Variants in NTNG1 observed in about 807,000 individuals in gnomAD.
NTNG1 encodes the protein netrin G1.
In NTNG1, 16 loss-of-function variants were observed where a neutral mutation model predicts 54.0. The ratio of observed to expected loss-of-function variants is 0.30; its 90% CI spans 0.20 to 0.45. The LOEUF (loss-of-function observed/expected upper bound fraction) is 0.45. Among genes scored for constraint, NTNG1 ranks in the 20% least tolerant of loss-of-function variants. The pLI is 1.00. For synonymous variants in NTNG1, 255 were observed against 263.1 expected (o/e 0.97, Z 0.30); for missense variants, 530 against 678.7 (o/e 0.78, Z 2.43).
chr1:107,281,890 A>G (rs1475278426), intron 2 of NTNG1, among the ~76,000 whole-genome samples: 2 of 152,136 alleles, frequency 1.3e-5, no homozygotes, highest in East Asian at 3.9e-4. Context: ...CATTTTGTCA[A>G]AAAAAGATAC....
chr1:107,185,958 G>A (rs1438380356), intron 2 of NTNG1, among the ~76,000 whole-genome samples: 1 of 152,046 alleles, frequency 6.6e-6, no homozygotes, highest in Non-Finnish European at 1.5e-5. Flanking sequence ...TGGGCTTTTA[G>A]TGCAACCAGC....
chr1:107,185,342 A>G (rs4437905), intron 2 of NTNG1, among the ~76,000 whole-genome samples: 110,034 of 151,590 alleles, frequency 0.73, 41,084 homozygotes, highest in Middle Eastern at 0.84. Flanking sequence ...ACAGATTCCT[A>G]TAGCTTGTGG....
intron 3 of NTNG1, among the ~76,000 whole-genome samples, chr1:107,335,456 G>A (rs558385884): frequency 1.3e-5 from 2 of 152,028 alleles, no homozygotes; most frequent in Middle Eastern, 3.4e-3. Flanking sequence ...CTATATACAT[G>A]TATCTGCTGA....
intron 3 of NTNG1, among the ~76,000 whole-genome samples, chr1:107,328,060 T>C (rs982927202): frequency 6.6e-6 from 1 of 152,136 alleles, no homozygotes; most frequent in African/African-American, 2.4e-5. Flanking sequence ...TTTATTCTTC[T>C]TTTGCCACAT....
chr1:107,484,737 C>A lies in NTNG1; in HGVS notation c.*3897C>A, dbSNP rs150165168. ...AACAACTGTGAGGAAATCTTGACAT[C>A]GAATATTTTGTTCCATCTCCTTCAC... is the stretch of plus-strand genomic sequence containing the variant. On this transcript the variant is annotated 3_prime_UTR_variant, in exon 8 of 8. Transcript: ENST00000370068. 2.3e-3 allele frequency among the ~76,000 whole-genome samples: 351 copies of A among 152,234 alleles called. 3 individuals carry two copies. Among genetic ancestry groups the A allele is most frequent in the Admixed American group, 5.4e-3 (83 of 15,296 alleles).
At chr1:107,430,186 A>G (rs1170016588) in intron 5 of NTNG1, among the ~76,000 whole-genome samples, 6 of 152,172 alleles carry the variant, frequency 3.9e-5, no homozygotes, top group Non-Finnish European at 8.8e-5. Context: ...AGCATTGGGG[A>G]AAAACAAAAA....
At chr1:107,208,311 T>C (rs1659346747) in intron 2 of NTNG1, among the ~76,000 whole-genome samples, 1 of 151,576 alleles carries the variant, frequency 6.6e-6, no homozygotes, top group Non-Finnish European at 1.5e-5. Flanking sequence ...AGGCCTGTAA[T>C]CCCAGCTACT....
At chr1:107,315,613 C>T (rs535614116) in intron 2 of NTNG1, among the ~76,000 whole-genome samples, 8 of 152,152 alleles carry the variant, frequency 5.3e-5, no homozygotes, top group Non-Finnish European at 1.0e-4. Flanking sequence ...TTTGTTACTC[C>T]CTTTGCCAAG....
chr1:107,370,071 C>T (rs1670824275), intron 3 of NTNG1, among the ~76,000 whole-genome samples: 1 of 151,796 alleles, frequency 6.6e-6, no homozygotes, highest in Admixed American at 6.6e-5. Flanking sequence ...ATATTCCGTT[C>T]TCCAATCTAT....
chr1:107,198,009 A>G (rs936755134), intron 2 of NTNG1, among the ~76,000 whole-genome samples: 3 of 152,006 alleles, frequency 2.0e-5, no homozygotes, highest in African/African-American at 7.2e-5. Context: ...GCAATGTCAA[A>G]GGTAGATTCT....
chr1:107,228,461 C>T (rs76507496), intron 2 of NTNG1, among the ~76,000 whole-genome samples: 4,307 of 152,166 alleles, frequency 0.028, 172 homozygotes, highest in African/African-American at 0.09. Flanking sequence ...GTCAAATGCT[C>T]ACTCCTGTTA....
intron 3 of NTNG1, among the ~76,000 whole-genome samples, chr1:107,328,645 G>A (rs1011837381): frequency 6.6e-6 from 1 of 152,068 alleles, no homozygotes; most frequent in African/African-American, 2.4e-5. Flanking sequence ...TGATTTTTAA[G>A]TATTTTGTTT....
intron 3 of NTNG1, among the ~76,000 whole-genome samples, chr1:107,387,994 T>C (rs558829191): frequency 1.4e-4 from 21 of 152,318 alleles, no homozygotes; most frequent in Non-Finnish European, 2.8e-4. Flanking sequence ...TTGTCATGAT[T>C]AGATACAGAG....
intron 2 of NTNG1, among the ~76,000 whole-genome samples, chr1:107,323,726 C>A (rs1667786010): frequency 6.6e-6 from 1 of 151,940 alleles, no homozygotes; most frequent in African/African-American, 2.4e-5. Flanking sequence ...GTTGTAAAAC[C>A]AGACATTATG....
chr1:107,379,670 G>C (rs560164915), intron 3 of NTNG1, among the ~76,000 whole-genome samples: 3 of 152,160 alleles, frequency 2.0e-5, no homozygotes, highest in African/African-American at 7.2e-5. Flanking sequence ...AATAATGATA[G>C]CAAGCACTAT....
At chr1:107,323,187 T>C (rs1452312914) in intron 2 of NTNG1, among the ~76,000 whole-genome samples, 1 of 151,782 alleles carries the variant, frequency 6.6e-6, no homozygotes, top group Non-Finnish European at 1.5e-5. Flanking sequence ...GGATCAATTC[T>C]TTTCACCCAG....
At chr1:107,348,324 C>T (rs1050254032) in intron 3 of NTNG1, among the ~76,000 whole-genome samples, 2 of 152,022 alleles carry the variant, frequency 1.3e-5, no homozygotes, top group South Asian at 4.2e-4. Context: ...CGGCGTTTTG[C>T]CATGTTGGCC....
intron 3 of NTNG1, among the ~76,000 whole-genome samples, chr1:107,326,824 G>A (rs1307672893): frequency 2.6e-5 from 4 of 152,008 alleles, no homozygotes; most frequent in African/African-American, 9.7e-5. Flanking sequence ...TTTGTTATTA[G>A]TATTCATTTT....
At chr1:107,355,318 G>C (rs532101391) in intron 3 of NTNG1, among the ~76,000 whole-genome samples, 14 of 149,070 alleles carry the variant, frequency 9.4e-5, no homozygotes, top group Non-Finnish European at 1.8e-4. Flanking sequence ...TTTTTCCACT[G>C]ATTCTCACAT....
Sources: gnomAD v4.1 joint callset for allele counts (sites outside exome capture counted in the v4.1 genomes callset) on GRCh38, gnomAD v4.1.1 for gene constraint, MANE v1.5 for transcripts, NCBI Gene and HGNC (gene_info 2026-07-23, HGNC 2026-07-21) for gene names.